Variants in MEIS1 observed in about 807,000 individuals in gnomAD.
The protein encoded by MEIS1 is Meis homeobox 1, also known as homeobox protein Meis1.
In MEIS1, 5 loss-of-function variants were observed where a neutral mutation model predicts 50.8. That is an observed-to-expected ratio of 0.10 (90% CI 0.05 to 0.21). The LOEUF (loss-of-function observed/expected upper bound fraction) is 0.21, where lower values mean the gene tolerates loss of function less well. Ranked by LOEUF, MEIS1 falls within the 10% of genes least tolerant of loss-of-function variation. The pLI is 1.00. For missense variants in MEIS1, 318 were observed against 517.3 expected (o/e 0.61, Z 3.74); for synonymous variants, 176 against 179.3 (o/e 0.98, Z 0.15).
At chr2:66,541,601 C>G (rs1405700217) in intron 8 of MEIS1, among the ~76,000 whole-genome samples, 2 of 151,962 alleles carry the variant, frequency 1.3e-5, no homozygotes, top group Non-Finnish European at 2.9e-5. Flanking sequence ...TCTACTGGGC[C>G]CCAGAAAAAA....
At chr2:66,540,736 G>GAGGAAGAGTTAATCCATT (rs1674631033) in intron 8 of MEIS1, among the ~76,000 whole-genome samples, 3 of 152,218 alleles carry the variant, frequency 2.0e-5, no homozygotes, top group African/African-American at 4.8e-5. Flanking sequence ...CATTTAGGAA[G>GAGGAAGAGTTAATCCATT]AGGATATAAG....
At chr2:66,557,861 GA>G (rs1675106410) in intron 9 of MEIS1, among the ~76,000 whole-genome samples, 2 of 152,138 alleles carry the variant, frequency 1.3e-5, no homozygotes, top group Admixed American at 6.5e-5. Flanking sequence ...AACACTGCTA[GA>G]AAACTTGCCG....
At chr2:66,548,992 T>C (rs1674854881) in intron 9 of MEIS1, among the ~76,000 whole-genome samples, 1 of 152,194 alleles carries the variant, frequency 6.6e-6, no homozygotes, top group South Asian at 2.1e-4. Flanking sequence ...TTACATGGCC[T>C]AATCCATTTT....
intron 4 of MEIS1, 30 bp from the exon 5 acceptor site, chr2:66,441,384 G>T: frequency 6.5e-7 from 1 of 1,537,390 alleles, no homozygotes. Flanking sequence ...AGCCAGGAAT[G>T]GGGTGCTTAT....
chr2:66,480,144 T>A (rs112705731), intron 7 of MEIS1, among the ~76,000 whole-genome samples: 75 of 152,312 alleles, frequency 4.9e-4, no homozygotes, highest in African/African-American at 1.7e-3. Flanking sequence ...TAAGGGTCTA[T>A]ATAATTTGCA....
Position 66,561,792 on chromosome 2 carries a change from T to C in MEIS1, c.966-5661T>C, listed in dbSNP as rs17040137. On this transcript the variant is annotated intron_variant, in intron 9 of 12. Transcript: ENST00000272369. The stretch of plus-strand genomic sequence containing the variant: ...TCTGAAGTAATTCTATGTCCACCAC[T>C]ATCCTGCTGACAGTTCACTTACGCC... 1.6e-3 allele frequency among the ~76,000 whole-genome samples: 237 copies of C among 152,308 alleles called. 1 individual carries two copies. The highest frequency in any genetic ancestry group is 5.4e-3 in the African/African-American group (226 of 41,572).
At position 66,437,821 on chromosome 2, in the gene MEIS1, A is replaced by G. The variant is rs780426250; in HGVS notation, c.97A>G (p.Met33Val). 1 of 1,613,946 alleles carries G rather than the reference A, an allele frequency of 6.2e-7. No homozygotes were observed. The highest frequency in any genetic ancestry group is 1.3e-5 in the African/African-American group (1 of 75,030). ...MYGDPHAARS[M>V]QPVHHLNHGP... ...TGGGGACCCGCATGCAGCCAGGTCC[A>G]TGCAGCCGGTCCACCACCTGAACCA... Residue 33 changes from methionine (M) to valine (V), a missense_variant, in exon 2 of 13, where the codon ATG becomes GTG. By Grantham distance (21) the Met-to-Val change is conservative. Transcript: ENST00000272369.
At chr2:66,535,325 C>T (rs895980909) in intron 8 of MEIS1, among the ~76,000 whole-genome samples, 3 of 151,530 alleles carry the variant, frequency 2.0e-5, no homozygotes, top group African/African-American at 7.3e-5. Context: ...AATAAAACCT[C>T]TTTGAAAATG....
intron 8 of MEIS1, among the ~76,000 whole-genome samples, chr2:66,546,751 C>T (rs1011312570): frequency 2.0e-5 from 3 of 152,174 alleles, no homozygotes; most frequent in Non-Finnish European, 4.4e-5. Context: ...ATAGACAATG[C>T]TTATGGGAAA....
intron 7 of MEIS1, among the ~76,000 whole-genome samples, chr2:66,497,406 T>C (rs1186948506): frequency 6.6e-6 from 1 of 152,186 alleles, no homozygotes; most frequent in African/African-American, 2.4e-5. Flanking sequence ...CCAATCTCAG[T>C]TTCTGGTATC....
At chr2:66,456,233 T>TACACACACACACAC (rs200022620) in intron 6 of MEIS1, among the ~76,000 whole-genome samples, 3 of 63,166 alleles carry the variant, frequency 4.7e-5, no homozygotes, top group African/African-American at 1.0e-4. Context: ...ATATGATTTT[T>TACACACACACACAC]ATACACACAC....
At chr2:66,545,072 C>T (rs1007384325) in intron 8 of MEIS1, among the ~76,000 whole-genome samples, 1 of 152,076 alleles carries the variant, frequency 6.6e-6, no homozygotes, top group African/African-American at 2.4e-5. Flanking sequence ...ATTACTGTGA[C>T]AATTTTCAGT....
intron 7 of MEIS1, among the ~76,000 whole-genome samples, chr2:66,488,153 G>A (rs1157879492): frequency 6.6e-6 from 1 of 152,102 alleles, no homozygotes; most frequent in Non-Finnish European, 1.5e-5. Flanking sequence ...CCAGTGATTT[G>A]TGTATTTAAC....
chr2:66,488,528 A>G (rs971120343), intron 7 of MEIS1, among the ~76,000 whole-genome samples: 7 of 152,098 alleles, frequency 4.6e-5, no homozygotes, highest in African/African-American at 1.7e-4. Context: ...AATACAAAAA[A>G]TTAGCCGGGC....
At chr2:66,474,855 T>A (rs1210108064) in intron 7 of MEIS1, among the ~76,000 whole-genome samples, 1 of 152,142 alleles carries the variant, frequency 6.6e-6, no homozygotes, top group Non-Finnish European at 1.5e-5. Context: ...CTTATTTCCA[T>A]ATTAGAAGAA....
chr2:66,467,467 G>A (rs1208903026), intron 7 of MEIS1, among the ~76,000 whole-genome samples: 7 of 151,864 alleles, frequency 4.6e-5, no homozygotes, highest in Admixed American at 2.0e-4. Context: ...CGTGGTGGTG[G>A]GCGCCTATAA....
intron 8 of MEIS1, among the ~76,000 whole-genome samples, chr2:66,520,292 G>C (rs1010971634): frequency 1.4e-5 from 2 of 145,222 alleles, no homozygotes; most frequent in Admixed American, 1.4e-4. Flanking sequence ...GGCTAACCCA[G>C]TGAAACCCCG....
chr2:66,570,505 C>T (rs568589158), intron 12 of MEIS1: 2 of 152,268 alleles, frequency 1.3e-5, no homozygotes, highest in South Asian at 2.1e-4. Context: ...AGGTGTTCAT[C>T]GTATTCACAG....
At chr2:66,443,149 TAA>T in intron 6 of MEIS1, 101 bp downstream of exon 6, 3 of 1,306,006 alleles carry the variant, frequency 2.3e-6, no homozygotes, top group Non-Finnish European at 2.1e-6. Flanking sequence ...TGCATATGAT[TAA>T]GTCCCTTTTA....
Sources: allele counts gnomAD v4.1 joint callset (sites outside exome capture counted in the v4.1 genomes callset), GRCh38; gene constraint gnomAD v4.1.1; transcripts MANE v1.5; gene names NCBI Gene and HGNC (gene_info 2026-07-23, HGNC 2026-07-21).